The following TIMD4 variants were observed in gnomAD, a reference collection of about 807,000 sequenced individuals.
The protein encoded by TIMD4 is T cell immunoglobulin and mucin domain containing 4, also known as T-cell immunoglobulin and mucin domain-containing protein 4.
TIMD4 carries 31 observed loss-of-function variants against 41.2 expected under a neutral mutation model. The observed-to-expected ratio is 0.75, with a 90% CI of 0.57 to 1.01. The LOEUF (loss-of-function observed/expected upper bound fraction) is 1.01, where lower values mean the gene tolerates loss of function less well. Ranked by LOEUF, TIMD4 falls within the 50% of genes least tolerant of loss-of-function variation. TIMD4 has a pLI of 0.00. For missense variants in TIMD4, 479 were observed against 472.5 expected (o/e 1.01, Z -0.13); for synonymous variants, 204 against 177.1 (o/e 1.15, Z -1.21).
rs993930948 is a variant in TIMD4 at position 156,920,488 on chromosome 5, G to T, written c.1028C>A (p.Thr343Asn). ...AFLLRGKLME[T>N]YCSQKHTRLD... The stretch of plus-strand genomic sequence containing the variant: ...CCTTGTGTGTTTCTGCGAACAATAG[G>T]TTTCCATGAGTTTCCCTGAAAAGAC... The change falls in exon 8 of 9, where the codon ACC becomes AAC. Residue 343 changes from threonine (T) to asparagine (N), a missense_variant. By Grantham distance (65) the Thr-to-Asn change is moderately conservative. Coordinates refer to ENST00000274532, the MANE Select transcript of TIMD4 (RefSeq NM_138379.3). The T allele has an allele frequency of 6.2e-7, 1 of 1,614,034 alleles. No homozygotes were observed. Among genetic ancestry groups the T allele is most frequent in the Non-Finnish European group, 8.5e-7 (1 of 1,179,944 alleles).
intron 6 of TIMD4, among the ~76,000 whole-genome samples, chr5:156,923,704 AT>A (rs35661024): frequency 0.22 from 30,794 of 142,084 alleles, 3,594 homozygotes; most frequent in Admixed American, 0.33. Context: ...ATGCCTGGCT[AT>A]TTTTTTTTTT....
intron 5 of TIMD4, among the ~76,000 whole-genome samples, chr5:156,947,504 G>T (rs909335297): frequency 2.0e-5 from 3 of 152,178 alleles, no homozygotes; most frequent in African/African-American, 7.2e-5. Flanking sequence ...GTTCACTGCA[G>T]CACTGTTTAT....
intron 5 of TIMD4, among the ~76,000 whole-genome samples, chr5:156,928,990 C>T (rs1379534377): frequency 6.6e-6 from 1 of 152,194 alleles, no homozygotes; most frequent in Non-Finnish European, 1.5e-5. Flanking sequence ...ATGGGAGAGA[C>T]ATTTTGCAAA....
intron 5 of TIMD4, among the ~76,000 whole-genome samples, chr5:156,940,656 G>C: frequency 6.6e-6 from 1 of 152,162 alleles, no homozygotes; most frequent in African/African-American, 2.4e-5. Flanking sequence ...CCCCATCTGG[G>C]AGGTGAGGAG....
At chr5:156,937,382 C>CAG (rs147842589) in intron 5 of TIMD4, among the ~76,000 whole-genome samples, 32,795 of 152,006 alleles carry the variant, frequency 0.22, 3,914 homozygotes, top group Admixed American at 0.32. Context: ...GGGCAGAAAA[C>CAG]AGAGAGAGAG....
chr5:156,936,887 G>T (rs1026838870), intron 5 of TIMD4, among the ~76,000 whole-genome samples: 1 of 150,248 alleles, frequency 6.7e-6, no homozygotes, highest in African/African-American at 2.5e-5. Context: ...AGCCGAGATG[G>T]CGCCCTTGCC....
At chr5:156,961,839 AAG>A (rs1457385274) in intron 1 of TIMD4, among the ~76,000 whole-genome samples, 18 of 144,884 alleles carry the variant, frequency 1.2e-4, no homozygotes, top group Admixed American at 2.8e-4. Context: ...AAAAAAAAGA[AAG>A]AAAAAAAAAA....
At chr5:156,949,509 A>T (rs773485699) in intron 4 of TIMD4, 142 bp downstream of exon 4, 3 of 677,668 alleles carry the variant, frequency 4.4e-6, no homozygotes, top group African/African-American at 1.8e-5. Context: ...GGCTGCCTTG[A>T]GGCCAATTTG....
chr5:156,955,509 A>T (rs1759955453), intron 1 of TIMD4, among the ~76,000 whole-genome samples: 1 of 152,126 alleles, frequency 6.6e-6, no homozygotes, highest in African/African-American at 2.4e-5. Flanking sequence ...ACAAAAAATT[A>T]GCCGGGCGTG....
At chr5:156,932,700 C>A (rs1337639830) in intron 5 of TIMD4, among the ~76,000 whole-genome samples, 2 of 152,150 alleles carry the variant, frequency 1.3e-5, no homozygotes, top group African/African-American at 4.8e-5. Flanking sequence ...TATTTGAAAA[C>A]AAGCATTAAA....
At chr5:156,925,173 G>A (rs1366440659) in intron 6 of TIMD4, among the ~76,000 whole-genome samples, 1 of 152,172 alleles carries the variant, frequency 6.6e-6, no homozygotes, top group Non-Finnish European at 1.5e-5. Context: ...AGCCAGGCAT[G>A]GTGGCATGTG....
At chr5:156,925,758 ACAAT>A (rs1759335925) in intron 6 of TIMD4, among the ~76,000 whole-genome samples, 1 of 152,240 alleles carries the variant, frequency 6.6e-6, no homozygotes, top group East Asian at 1.9e-4. Flanking sequence ...TACAGATGTA[ACAAT>A]CAAGGTTATT....
chr5:156,938,775 C>T (rs760659509), intron 5 of TIMD4, among the ~76,000 whole-genome samples: 7 of 152,116 alleles, frequency 4.6e-5, no homozygotes, highest in East Asian at 1.9e-4. Flanking sequence ...TCATGGAGTC[C>T]GCCCACAGAG....
chr5:156,922,672 A>G (rs1388071145), intron 6 of TIMD4, among the ~76,000 whole-genome samples: 2 of 152,204 alleles, frequency 1.3e-5, no homozygotes, highest in Admixed American at 1.3e-4. Flanking sequence ...TTCATGAGAC[A>G]TTTTTTGCCA....
chr5:156,957,764 G>A (rs924506969), intron 1 of TIMD4, among the ~76,000 whole-genome samples: 1 of 152,040 alleles, frequency 6.6e-6, no homozygotes, highest in Non-Finnish European at 1.5e-5. Context: ...GGAGTTTGAG[G>A]CTGCAGTGAG....
intron 5 of TIMD4, among the ~76,000 whole-genome samples, chr5:156,940,721 C>T (rs1031059835): frequency 2.6e-5 from 4 of 152,122 alleles, no homozygotes; most frequent in Non-Finnish European, 5.9e-5. Context: ...GCCCGGCAGC[C>T]GCCCCGTCTG....
chr5:156,963,125 GT>G lies in TIMD4; in HGVS notation c.58+15del. 1 of 1,613,368 alleles carries G rather than the reference GT, an allele frequency of 6.2e-7. No homozygotes were observed. ...TCCTCTGGAAACTTCTACATAGAAG[GT>G]TTCAGAACACTTACTCAGGTAAAGC... On this transcript the variant is annotated intron_variant, in intron 1 of 8. Coordinates refer to ENST00000274532, the MANE Select transcript of TIMD4 (RefSeq NM_138379.3).
chr5:156,962,254 A>G (rs1561557563), intron 1 of TIMD4, among the ~76,000 whole-genome samples: 2 of 152,218 alleles, frequency 1.3e-5, no homozygotes, highest in African/African-American at 2.4e-5. Context: ...AATAACTAGA[A>G]GAGAACATTT....
In TIMD4 at chr5:156,926,478, G is replaced by C. The variant is rs1581609582; in HGVS notation, c.845-166C>G. Among the ~76,000 whole-genome samples the C allele has an allele frequency of 2.0e-5, 3 of 152,158 alleles. No homozygotes were observed. In the East Asian group the frequency reaches 5.8e-4, roughly 29 times the overall value. On this transcript the variant is annotated intron_variant, in intron 5 of 8. Transcript: ENST00000274532. ...ATTTATGCATATTTGTTTTGATATG[G>C]TTTTAATGTAAATTTTATCTGCTAT... is the stretch of plus-strand genomic sequence containing the variant.
Sources: allele counts gnomAD v4.1 joint callset (sites outside exome capture counted in the v4.1 genomes callset), GRCh38; gene constraint gnomAD v4.1.1; transcripts MANE v1.5; gene names NCBI Gene and HGNC (gene_info 2026-07-23, HGNC 2026-07-21).